CALN1: variants seen among roughly 807,000 people sequenced by gnomAD.
CALN1 encodes calneuron 1, also known as calcium-binding protein 8.
A neutral mutation model predicts 30.6 loss-of-function variants in CALN1; 17 were observed. The observed-to-expected ratio is 0.56, with a 90% confidence interval of 0.38 to 0.83. CALN1 has a LOEUF of 0.83. Among genes scored for constraint, CALN1 ranks in the 40% least tolerant of loss-of-function variants. The pLI, the probability that CALN1 is intolerant of heterozygous loss-of-function variation, is 0.00. For missense variants in CALN1, 291 were observed against 354.9 expected (o/e 0.82, Z 1.45); for synonymous variants, 156 against 131.4 (o/e 1.19, Z -1.28).
rs537389657 is a variant in CALN1 at position 72,347,531 on chromosome 7, G to A, written c.119+55720C>T. On this transcript the variant is annotated intron_variant, in intron 2 of 6. Transcript: ENST00000395275. ...TGCGCCAGCCTCGGCCTCCCAAAGT[G>A]CTGGGGTTACAGGGGTGAGCCACCA... Among the ~76,000 whole-genome samples, 11 of 152,188 alleles carry A rather than the reference G, an allele frequency of 7.2e-5. No individual in the cohort carries two copies. In the South Asian group the frequency reaches 2.1e-3, roughly 29 times the overall value.
chr7:72,424,744 A>T (rs1807743262), intron 1 of CALN1, among the ~76,000 whole-genome samples: 1 of 152,046 alleles, frequency 6.6e-6, no homozygotes. Context: ...CTACAGATGC[A>T]TGCCACCACT....
chr7:71,791,217 C>T (rs767816749), intron 6 of CALN1, among the ~76,000 whole-genome samples: 7 of 152,152 alleles, frequency 4.6e-5, no homozygotes, highest in Non-Finnish European at 1.0e-4. Context: ...TGTTTATGTA[C>T]CACATTTCCT....
chr7:72,423,866 A>G (rs571009162), intron 1 of CALN1, among the ~76,000 whole-genome samples: 5 of 149,022 alleles, frequency 3.4e-5, no homozygotes, highest in African/African-American at 1.2e-4. Context: ...GAAAAGAAAG[A>G]AGGAAGGGAG....
At chr7:71,807,880 C>T (rs111753411) in intron 6 of CALN1, among the ~76,000 whole-genome samples, 22 of 152,298 alleles carry the variant, frequency 1.4e-4, no homozygotes, top group African/African-American at 4.6e-4. Flanking sequence ...TTGAGACCAT[C>T]CTCACTAACA....
intron 5 of CALN1, among the ~76,000 whole-genome samples, chr7:71,972,104 T>C (rs185435117): frequency 2.0e-4 from 30 of 152,196 alleles, no homozygotes; most frequent in Admixed American, 1.9e-3. Context: ...ACGGACGTAG[T>C]ACCCACGAAT....
At chr7:72,255,238 A>T (rs866433863) in intron 3 of CALN1, among the ~76,000 whole-genome samples, 66 of 150,806 alleles carry the variant, frequency 4.4e-4, no homozygotes, top group African/African-American at 1.3e-3. Flanking sequence ...GGTGCCCGCC[A>T]CCACACCCGG....
chr7:72,105,034 GAAA>G (rs112842604), intron 4 of CALN1, among the ~76,000 whole-genome samples: 1 of 144,130 alleles, frequency 6.9e-6, no homozygotes. Flanking sequence ...GACCTGTCAT[GAAA>G]AAAAAAAAAG....
At position 72,236,618 on chromosome 7, in the gene CALN1, G is replaced by A. The variant is rs116973294; in HGVS notation, c.244+42068C>T. Among the ~76,000 whole-genome samples the A allele has an allele frequency of 9.4e-3, 1,429 of 152,278 alleles. 10 individuals are homozygous for A. Among genetic ancestry groups the A allele is most frequent in the African/African-American group, 0.013 (544 of 41,572 alleles). On this transcript the variant is annotated intron_variant, in intron 3 of 6. Transcript: ENST00000395275. ...TTCCTCTTGCATCGTGGTGGAAAACGCCAGGCTCATCGCAAAAATCAAATT... is the reference window on the plus strand; with the variant it reads ...TTCCTCTTGCATCGTGGTGGAAAACACCAGGCTCATCGCAAAAATCAAATT...
chr7:72,040,077 T>A (rs1441944031), intron 4 of CALN1, among the ~76,000 whole-genome samples: 1 of 152,114 alleles, frequency 6.6e-6, no homozygotes, highest in East Asian at 1.9e-4. Context: ...TAGCTCAAAT[T>A]GAATGAGAAA....
At chr7:72,256,807 A>G (rs1031279087) in intron 3 of CALN1, among the ~76,000 whole-genome samples, 2 of 152,050 alleles carry the variant, frequency 1.3e-5, no homozygotes, top group Admixed American at 1.3e-4. Flanking sequence ...GACTGGGAAA[A>G]GATAAAAGAA....
chr7:72,278,659 TC>T, intron 3 of CALN1, 26 bp downstream of exon 3: 5 of 1,592,674 alleles, frequency 3.1e-6, no homozygotes, highest in Non-Finnish European at 3.4e-6. Context: ...AGGGGGGCCA[TC>T]CCCCCAAACA....
At chr7:71,892,924 T>C (rs750526722) in intron 5 of CALN1, among the ~76,000 whole-genome samples, 2 of 152,176 alleles carry the variant, frequency 1.3e-5, no homozygotes, top group Non-Finnish European at 2.9e-5. Context: ...TTTGTCTGCA[T>C]GTCCTAGCTT....
chr7:72,473,873 G>A, the CALN1 span, among the ~76,000 whole-genome samples: 1 of 147,626 alleles, frequency 6.8e-6, no homozygotes, highest in Non-Finnish European at 1.5e-5. Flanking sequence ...AGGTTGCAGT[G>A]AGCCGAGATC....
intron 2 of CALN1, among the ~76,000 whole-genome samples, chr7:72,290,842 G>T (rs1798428463): frequency 6.6e-6 from 1 of 151,436 alleles, no homozygotes; most frequent in South Asian, 2.1e-4. Flanking sequence ...AGTTTACTTT[G>T]GTTCTTTTAT....
intron 4 of CALN1, among the ~76,000 whole-genome samples, chr7:72,041,343 T>C (rs1802112947): frequency 6.6e-6 from 1 of 151,912 alleles, no homozygotes; most frequent in African/African-American, 2.4e-5. Flanking sequence ...GATGGGGGTG[T>C]GATATATTTT....
Position 72,096,612 on chromosome 7 carries a change from G to C in CALN1, c.388+9539C>G, listed in dbSNP as rs138582019. 3.3e-4 allele frequency among the ~76,000 whole-genome samples: 51 copies of C among 152,250 alleles called. 2 individuals are homozygous for C. In the East Asian group the frequency reaches 8.7e-3, roughly 26 times the overall value. ...AGCTGCCAAGAACGCTTCCTGGTTC[G>C]ACTGTTTCAGGAAAGCATTTGCAAA... is the stretch of plus-strand genomic sequence containing the variant. On this transcript the variant is annotated intron_variant, in intron 4 of 6. Coordinates refer to ENST00000395275, the MANE Select transcript of CALN1 (RefSeq NM_031468.4).
At chr7:72,198,160 T>C (rs927607613) in intron 3 of CALN1, among the ~76,000 whole-genome samples, 14 of 152,190 alleles carry the variant, frequency 9.2e-5, no homozygotes, top group Non-Finnish European at 1.8e-4. Context: ...GCAAGCAACA[T>C]GCTTAGAAGG....
intron 3 of CALN1, among the ~76,000 whole-genome samples, chr7:72,122,376 G>A (rs1808457549): frequency 6.6e-6 from 1 of 152,112 alleles, no homozygotes; most frequent in Admixed American, 6.5e-5. Context: ...TGAATGGAGA[G>A]AAGGGAGCAA....
intron 2 of CALN1, among the ~76,000 whole-genome samples, chr7:72,313,097 A>G (rs1370301215): frequency 2.6e-5 from 4 of 152,120 alleles, no homozygotes; most frequent in African/African-American, 9.7e-5. Context: ...GGCCTCCCAA[A>G]GTGCTGGGAT....
Sources: allele counts gnomAD v4.1 joint callset (sites outside exome capture counted in the v4.1 genomes callset), GRCh38; gene constraint gnomAD v4.1.1; transcripts MANE v1.5; gene names NCBI Gene and HGNC (gene_info 2026-07-23, HGNC 2026-07-21).